Variants in ENOX2 observed in about 807,000 individuals in gnomAD.
The protein encoded by ENOX2 is ecto-NOX disulfide-thiol exchanger 2.
A neutral mutation model predicts 45.0 loss-of-function variants in ENOX2; 36 were observed. The ratio of observed to expected loss-of-function variants is 0.80; its 90% CI spans 0.61 to 1.06. The LOEUF is 1.06. Ranked by LOEUF, ENOX2 falls within the 50% of genes least tolerant of loss-of-function variation. The pLI is 0.00. For synonymous variants in ENOX2, 174 were observed against 152.3 expected (o/e 1.14, Z -1.05); for missense variants, 423 against 462.5 (o/e 0.91, Z 0.78).
At chrX:130,765,830 T>G (rs1489988390) in intron 3 of ENOX2, among the ~76,000 whole-genome samples, 1 of 111,827 alleles carries the variant, frequency 8.9e-6, no homozygotes, top group East Asian at 2.8e-4. Context: ...TATATATTCC[T>G]ACAAATAACA....
rs981557199 is a variant in ENOX2 at position 130,792,591 on chromosome X, G to A, written c.-182-8901C>T. On this transcript the variant is annotated intron_variant, in intron 2 of 14. Coordinates refer to ENST00000394363, the MANE Select transcript of ENOX2 (RefSeq NM_006375.4). ...GGGTGGATCACGAGGTCGGGAGTTC[G>A]AGACCAGCCTGACCAACATGGTGAA... 8.3e-4 allele frequency among the ~76,000 whole-genome samples: 92 copies of A among 111,260 alleles called. 2 individuals carry two copies. The highest frequency in any genetic ancestry group is 2.9e-3 in the African/African-American group (90 of 30,680).
At chrX:130,883,214 G>A (rs1241683277) in intron 2 of ENOX2, among the ~76,000 whole-genome samples, 1 of 111,268 alleles carries the variant, frequency 9.0e-6, no homozygotes, top group East Asian at 2.8e-4. Context: ...GAGTTCAAGC[G>A]ATTCTCCTGC....
chrX:130,726,371 T>C (rs890525519), intron 3 of ENOX2, among the ~76,000 whole-genome samples: 2 of 112,403 alleles, frequency 1.8e-5, no homozygotes, highest in Admixed American at 9.4e-5. Flanking sequence ...ATACACAGTA[T>C]CACCCTGATA....
In ENOX2 at chrX:130,892,544, C is replaced by T. The variant is rs778085798; in HGVS notation, c.-183+9140G>A. Among the ~76,000 whole-genome samples, 15 of 112,673 alleles carry T rather than the reference C, an allele frequency of 1.3e-4. No individual in the cohort carries two copies. In the South Asian group the frequency reaches 3.7e-3, roughly 28 times the overall value. On this transcript the variant is annotated intron_variant, in intron 2 of 14. Transcript: ENST00000394363. ...TCTTCTCAGATTCCCTTCTGTCCTT[C>T]CCCAGTTTATTCTGGTTTTATCATG...
chrX:130,648,573 A>G (rs1168001182), intron 10 of ENOX2, among the ~76,000 whole-genome samples: 1 of 112,125 alleles, frequency 8.9e-6, no homozygotes, highest in Non-Finnish European at 1.9e-5. Flanking sequence ...CATTACCAAG[A>G]TGAAATATTG....
At chrX:130,632,186 T>C (rs2035762737) in intron 12 of ENOX2, among the ~76,000 whole-genome samples, 1 of 110,469 alleles carries the variant, frequency 9.1e-6, no homozygotes, top group Non-Finnish European at 1.9e-5. Context: ...CAACTGTTGG[T>C]TTTTGAAATA....
chrX:130,813,449 G>A (rs1432041563), intron 2 of ENOX2, among the ~76,000 whole-genome samples: 9 of 112,042 alleles, frequency 8.0e-5, no homozygotes, highest in Non-Finnish European at 1.5e-4. Flanking sequence ...TGAAGAAAGG[G>A]GGTGGCTGGA....
rs191066849 is a variant in ENOX2, at chrX:130,851,574, G to A, written c.-183+50110C>T. 4.7e-4 allele frequency among the ~76,000 whole-genome samples: 51 copies of A among 108,472 alleles called. No individual in the cohort carries two copies. The East Asian group carries it at 6.4e-3, about 14-fold the overall frequency. The allele number at this position is 108,472 out of a possible 115,157, so 94.2% of individuals were successfully genotyped here. Reference sequence around the variant, plus strand: ...TACCTGAGTTGCTTAGAGAGATATCGAACTAATAGATGAAATGAGAAACAT... The same window carrying A: ...TACCTGAGTTGCTTAGAGAGATATCAAACTAATAGATGAAATGAGAAACAT... On this transcript the variant is annotated intron_variant, in intron 2 of 14. Transcript: ENST00000394363.
At chrX:130,638,431 AACACAC>A (rs34648095) in intron 10 of ENOX2, among the ~76,000 whole-genome samples, 4,525 of 92,710 alleles carry the variant, frequency 0.049, 83 homozygotes, top group Admixed American at 0.06. Flanking sequence ...AACAATTTGA[AACACAC>A]ACACACACAC....
intron 3 of ENOX2, among the ~76,000 whole-genome samples, chrX:130,718,414 T>C (rs2038386006): frequency 2.7e-5 from 3 of 111,658 alleles, no homozygotes; most frequent in Non-Finnish European, 5.6e-5. Flanking sequence ...ATTTGCTGGC[T>C]ATGTAACTTA....
chrX:130,730,856 C>T (rs1452578649), intron 3 of ENOX2, among the ~76,000 whole-genome samples: 1 of 110,827 alleles, frequency 9.0e-6, no homozygotes, highest in Non-Finnish European at 1.9e-5. Flanking sequence ...AAAGGAATGT[C>T]TGGGTTATGA....
At chrX:130,862,191 T>C (rs2078420187) in intron 2 of ENOX2, among the ~76,000 whole-genome samples, 4 of 111,493 alleles carry the variant, frequency 3.6e-5, no homozygotes, top group Non-Finnish European at 7.5e-5. Flanking sequence ...CTCTTGTGAA[T>C]TAATCTCCTA....
At chrX:130,841,359 A>ATTACCAC (rs2078011608) in intron 2 of ENOX2, among the ~76,000 whole-genome samples, 1 of 111,906 alleles carries the variant, frequency 8.9e-6, no homozygotes, top group Non-Finnish European at 1.9e-5. Context: ...GAGGAGGGGG[A>ATTACCAC]AACCTTGGAT....
chrX:130,680,739 C>T (rs1283696737), intron 5 of ENOX2, among the ~76,000 whole-genome samples: 1 of 112,582 alleles, frequency 8.9e-6, no homozygotes, highest in Non-Finnish European at 1.9e-5. Context: ...CTCTTAACAA[C>T]AATTCTCCTA....
intron 2 of ENOX2, among the ~76,000 whole-genome samples, chrX:130,870,125 T>G (rs924712155): frequency 9.0e-6 from 1 of 111,108 alleles, no homozygotes; most frequent in South Asian, 3.8e-4. Flanking sequence ...CTTCCACATG[T>G]TGGAAGTGAT....
chrX:130,703,323 T>A (rs763990591), intron 3 of ENOX2, 69 bp from the exon 4 acceptor site: 1 of 1,022,958 alleles, frequency 9.8e-7, no homozygotes, highest in South Asian at 2.6e-5. Context: ...CTTATAAACA[T>A]AAATTCTGGC....
intron 3 of ENOX2, among the ~76,000 whole-genome samples, chrX:130,712,310 G>A (rs2038214309): frequency 8.9e-6 from 1 of 111,754 alleles, no homozygotes; most frequent in Admixed American, 9.5e-5. Flanking sequence ...AGGAATGTCA[G>A]GCGACTATCA....
chrX:130,728,761 T>A (rs1569493961), intron 3 of ENOX2, among the ~76,000 whole-genome samples: 1 of 111,818 alleles, frequency 8.9e-6, no homozygotes, highest in Admixed American at 9.4e-5. Context: ...CTTCTAGGGA[T>A]ACCTACATTC....
At chrX:130,642,905 A>T (rs1390413227) in intron 10 of ENOX2, among the ~76,000 whole-genome samples, 6 of 112,385 alleles carry the variant, frequency 5.3e-5, no homozygotes, top group Non-Finnish European at 1.1e-4. Flanking sequence ...ATTCATATAG[A>T]GTGCTTTATT....
Sources: gnomAD v4.1 joint callset for allele counts (sites outside exome capture counted in the v4.1 genomes callset) on GRCh38, gnomAD v4.1.1 for gene constraint, MANE v1.5 for transcripts, NCBI Gene and HGNC (gene_info 2026-07-23, HGNC 2026-07-21) for gene names.